The following MNAT1 variants were observed in gnomAD, a reference collection of about 807,000 sequenced individuals.
MNAT1 encodes MNAT1 component of CDK activating kinase.
MNAT1 carries 43 observed loss-of-function variants against 42.0 expected under a neutral mutation model. The observed-to-expected ratio is 1.02, with a 90% CI of 0.80 to 1.32. MNAT1 has a LOEUF of 1.32. MNAT1 is among the 40% of genes most tolerant of loss of function. The pLI is 0.00. For missense variants in MNAT1, 306 were observed against 350.4 expected (o/e 0.87, Z 1.01); for synonymous variants, 118 against 120.0 (o/e 0.98, Z 0.11).
At chr14:60,750,522 G>A (rs1185733296) in intron 1 of MNAT1, among the ~76,000 whole-genome samples, 2 of 142,620 alleles carry the variant, frequency 1.4e-5, no homozygotes, top group East Asian at 2.0e-4. Context: ...GAGCCACTGC[G>A]CCCAGCCTTT....
chr14:60,738,763 G>T (rs574005859), intron 1 of MNAT1, among the ~76,000 whole-genome samples: 1 of 151,950 alleles, frequency 6.6e-6, no homozygotes, highest in African/African-American at 2.4e-5. Context: ...TTGAACTCCC[G>T]ACCTCAGGTG....
At chr14:60,920,957 C>G (rs1297059144) in intron 7 of MNAT1, among the ~76,000 whole-genome samples, 1 of 152,138 alleles carries the variant, frequency 6.6e-6, no homozygotes, top group Admixed American at 6.5e-5. Context: ...TTAAAGTACT[C>G]TGGTAATTTA....
intron 7 of MNAT1, among the ~76,000 whole-genome samples, chr14:60,886,771 C>G (rs1386576880): frequency 2.6e-5 from 4 of 151,748 alleles, no homozygotes; most frequent in African/African-American, 9.7e-5. Context: ...ACTTTTTGGT[C>G]TAATCTTTAT....
rs1490435402 is a variant in MNAT1 at position 60,736,727 on chromosome 14, CTCTT to C, written c.89+1778_89+1781del. ...TCTGTGGCCTTAGGGAAATGACTAA[CTCTT>C]TGTTAGCCGTTCTTCTTGTTGGTAC... On this transcript the variant is annotated intron_variant, in intron 1 of 7. Transcript: ENST00000261245. Among the ~76,000 whole-genome samples the C allele has an allele frequency of 5.9e-5, 9 of 152,260 alleles. No homozygotes were observed. The South Asian group carries it at 6.2e-4, about 11-fold the overall frequency.
chr14:60,918,195 G>GTTTT (rs1376166023), intron 7 of MNAT1, among the ~76,000 whole-genome samples: 3 of 48,910 alleles, frequency 6.1e-5, no homozygotes, highest in African/African-American at 1.1e-4. Flanking sequence ...CCAATTAATT[G>GTTTT]TTCTTTTTTT....
chr14:60,907,296 G>T (rs1022058153), intron 7 of MNAT1, among the ~76,000 whole-genome samples: 1 of 151,926 alleles, frequency 6.6e-6, no homozygotes, highest in South Asian at 2.1e-4. Flanking sequence ...AGCCGGGTGT[G>T]GTGGCACGCG....
chr14:60,825,937 A>G (rs1271447771), intron 6 of MNAT1, among the ~76,000 whole-genome samples: 1 of 152,208 alleles, frequency 6.6e-6, no homozygotes, highest in Admixed American at 6.5e-5. Flanking sequence ...CCAAGGAAGG[A>G]TGTATAAATA....
At chr14:60,743,963 T>A (rs8017608) in intron 1 of MNAT1, among the ~76,000 whole-genome samples, 5,919 of 152,186 alleles carry the variant, frequency 0.039, 369 homozygotes, top group African/African-American at 0.13. Context: ...TTCTCTGATA[T>A]TTCCCATCTA....
At chr14:60,904,695 T>C (rs187550749) in intron 7 of MNAT1, among the ~76,000 whole-genome samples, 1 of 152,182 alleles carries the variant, frequency 6.6e-6, no homozygotes, top group African/African-American at 2.4e-5. Context: ...ATAACATCAA[T>C]TTAAAAATAT....
intron 1 of MNAT1, among the ~76,000 whole-genome samples, chr14:60,790,887 T>C (rs1296090711): frequency 6.6e-6 from 1 of 152,190 alleles, no homozygotes; most frequent in African/African-American, 2.4e-5. Context: ...CCTTCATATA[T>C]TTCCAACCTC....
At chr14:60,820,758 T>C (rs1235803676) in intron 6 of MNAT1, among the ~76,000 whole-genome samples, 2 of 152,190 alleles carry the variant, frequency 1.3e-5, no homozygotes, top group African/African-American at 4.8e-5. Flanking sequence ...TATAAGCCTT[T>C]GGGTGGTTTC....
intron 7 of MNAT1, among the ~76,000 whole-genome samples, chr14:60,883,965 T>G (rs2034606870): frequency 1.3e-5 from 2 of 151,654 alleles, no homozygotes; most frequent in Non-Finnish European, 2.9e-5. Context: ...ATAGTTTTTT[T>G]GTGAAGTCTT....
chr14:60,914,358 G>A (rs1219054407), intron 7 of MNAT1, among the ~76,000 whole-genome samples: 5 of 152,182 alleles, frequency 3.3e-5, no homozygotes, highest in Admixed American at 6.5e-5. Flanking sequence ...GCACTTCCCT[G>A]TGAGATGAAC....
At chr14:60,855,591 C>G (rs958739081) in intron 6 of MNAT1, among the ~76,000 whole-genome samples, 2 of 152,166 alleles carry the variant, frequency 1.3e-5, no homozygotes, top group Non-Finnish European at 2.9e-5. Context: ...CTGGGTGGAG[C>G]GATGCCCCAC....
rs138589807 is a variant in MNAT1 at position 60,942,269 on chromosome 14, C to G, written c.810-25960C>G. On this transcript the variant is annotated intron_variant, in intron 7 of 7. Transcript: ENST00000261245. ...CCATTTGTTGCTGCTGCTGCTTATT[C>G]CAGTAGTGTTAGCACAGGAAAACTT... 3.6e-3 allele frequency among the ~76,000 whole-genome samples: 548 copies of G among 152,186 alleles called. 3 individuals carry two copies. Among genetic ancestry groups the G allele is most frequent in the African/African-American group, 0.012 (511 of 41,548 alleles).
chr14:60,916,000 G>A (rs2035504653), intron 7 of MNAT1, among the ~76,000 whole-genome samples: 1 of 152,202 alleles, frequency 6.6e-6, no homozygotes, highest in South Asian at 2.1e-4. Flanking sequence ...CTACAACTGA[G>A]TCAACAGCAG....
Position 60,783,880 on chromosome 14 carries a change from A to G in MNAT1, c.90-12337A>G, listed in dbSNP as rs2031549242. ...GGTCTTACTCTGTCACCCAGGGTGT[A>G]ATGCAGTGGTGCGATCACAGCTAAC... is the stretch of plus-strand genomic sequence containing the variant. On this transcript the variant is annotated intron_variant, in intron 1 of 7. Transcript: ENST00000261245. Among the ~76,000 whole-genome samples, 3 of 152,106 alleles carry G rather than the reference A, an allele frequency of 2.0e-5. No homozygotes were observed. The South Asian group carries it at 6.2e-4, about 31-fold the overall frequency.
chr14:60,895,676 A>C (rs562285307), intron 7 of MNAT1, among the ~76,000 whole-genome samples: 2 of 152,320 alleles, frequency 1.3e-5, no homozygotes, highest in East Asian at 3.9e-4. Context: ...TCATGCCTAT[A>C]ATCCTAGCAC....
intron 1 of MNAT1, among the ~76,000 whole-genome samples, chr14:60,782,516 T>G (rs2031499238): frequency 6.6e-6 from 1 of 152,182 alleles, no homozygotes. Flanking sequence ...TTGAATCCTT[T>G]AACAGTTGTA....
Sources: gnomAD v4.1 joint callset for allele counts (sites outside exome capture counted in the v4.1 genomes callset) on GRCh38, gnomAD v4.1.1 for gene constraint, MANE v1.5 for transcripts, NCBI Gene and HGNC (gene_info 2026-07-23, HGNC 2026-07-21) for gene names.